The following PTPRE variants were observed in gnomAD, a reference collection of about 807,000 sequenced individuals.
The protein encoded by PTPRE is receptor-type tyrosine-protein phosphatase epsilon.
PTPRE carries 51 observed loss-of-function variants against 102.0 expected under a neutral mutation model. That is an observed-to-expected ratio of 0.50 (90% CI 0.40 to 0.63). The LOEUF (loss-of-function observed/expected upper bound fraction) is 0.63. Ranked by LOEUF, PTPRE falls within the 30% of genes least tolerant of loss-of-function variation. The pLI is 0.00. For missense variants in PTPRE, 752 were observed against 915.1 expected (o/e 0.82, Z 2.30); for synonymous variants, 345 against 348.2 (o/e 0.99, Z 0.10).
chr10:127,922,557 G>A (rs1846683085), intron 1 of PTPRE, among the ~76,000 whole-genome samples: 1 of 152,202 alleles, frequency 6.6e-6, no homozygotes. Context: ...TTCATTAGGG[G>A]CCTGTCATCC....
chr10:128,065,242 C>T (rs1849977898), intron 10 of PTPRE, among the ~76,000 whole-genome samples: 1 of 152,228 alleles, frequency 6.6e-6, no homozygotes, highest in Non-Finnish European at 1.5e-5. Context: ...GGAGGCTTGA[C>T]CACGAGCTGT....
chr10:127,910,491 G>T (rs549658199), intron 1 of PTPRE, among the ~76,000 whole-genome samples: 1 of 152,218 alleles, frequency 6.6e-6, no homozygotes, highest in Non-Finnish European at 1.5e-5. Context: ...ACTTGCTCAA[G>T]TAGTTTATCT....
At chr10:128,027,883 G>A (rs1282913557) in intron 2 of PTPRE, among the ~76,000 whole-genome samples, 4 of 152,198 alleles carry the variant, frequency 2.6e-5, no homozygotes, top group Non-Finnish European at 5.9e-5. Context: ...AAAGAGGGCA[G>A]GTGACAGTCC....
At chr10:128,015,306 G>A (rs900756856) in intron 2 of PTPRE, among the ~76,000 whole-genome samples, 3 of 152,200 alleles carry the variant, frequency 2.0e-5, no homozygotes, top group Non-Finnish European at 2.9e-5. Context: ...CACTTTGGGA[G>A]GTCAAGGCAG....
intron 2 of PTPRE, among the ~76,000 whole-genome samples, chr10:127,991,307 C>T (rs746861575): frequency 9.2e-5 from 14 of 152,220 alleles, no homozygotes; most frequent in African/African-American, 2.9e-4. Context: ...CCGTTGTGGG[C>T]GGACTGACTT....
intron 1 of PTPRE, among the ~76,000 whole-genome samples, chr10:127,925,457 C>T (rs1460981252): frequency 6.6e-6 from 1 of 152,154 alleles, no homozygotes; most frequent in African/African-American, 2.4e-5. Flanking sequence ...CCGGATCTGA[C>T]TGGTTAACTT....
chr10:127,953,345 G>A (rs1007380596), intron 1 of PTPRE, among the ~76,000 whole-genome samples: 77 of 152,300 alleles, frequency 5.1e-4, no homozygotes, highest in African/African-American at 1.4e-3. Context: ...AGAAAGGCCC[G>A]GCCACTACCT....
intron 1 of PTPRE, among the ~76,000 whole-genome samples, chr10:127,979,636 C>A (rs955396909): frequency 1.2e-4 from 18 of 152,154 alleles, no homozygotes; most frequent in Admixed American, 3.3e-4. Context: ...ATGATTGCAC[C>A]GCTGCACAAT....
At chr10:128,082,811 T>C (rs748781733) in intron 20 of PTPRE, 21 bp from the exon 21 acceptor site, 3 of 1,543,234 alleles carry the variant, frequency 1.9e-6, no homozygotes, top group Non-Finnish European at 2.6e-6. Context: ...CATTTTAATG[T>C]GTCCTTGTTT....
chr10:127,989,235 C>A (rs1465978856), intron 2 of PTPRE, among the ~76,000 whole-genome samples: 2 of 152,010 alleles, frequency 1.3e-5, no homozygotes, highest in African/African-American at 2.4e-5. Flanking sequence ...ATCATGTTAG[C>A]ATGTTGCTGC....
chr10:128,053,621 A>T (rs1848718664), intron 6 of PTPRE, among the ~76,000 whole-genome samples: 1 of 152,230 alleles, frequency 6.6e-6, no homozygotes, highest in African/African-American at 2.4e-5. Context: ...CCCTCTGTGC[A>T]TCTGGGTGGC....
Position 127,950,566 on chromosome 10 carries a change from C to T in PTPRE, c.-30-31708C>T, listed in dbSNP as rs183345575. ...GAGTGCCAGCATCCCTGAAGAGCTC[C>T]GCGATTGCTCTTCTCTGTAGGCTGG... On this transcript the variant is annotated intron_variant, in intron 1 of 20. Transcript: ENST00000254667. Among the ~76,000 whole-genome samples the T allele has an allele frequency of 3.0e-4, 45 of 152,234 alleles. 1 individual carries two copies. The highest frequency in any genetic ancestry group is 1.2e-3 in the South Asian group (6 of 4,822).
At chr10:128,026,966 A>G (rs1313153240) in intron 2 of PTPRE, among the ~76,000 whole-genome samples, 1 of 152,196 alleles carries the variant, frequency 6.6e-6, no homozygotes, top group Non-Finnish European at 1.5e-5. Context: ...GTTTTTCTCC[A>G]TGTGTAACAA....
rs570878943 is a variant in PTPRE at position 127,971,375 on chromosome 10, G to A, written c.-30-10899G>A. Among the ~76,000 whole-genome samples the A allele has an allele frequency of 9.8e-5, 15 of 152,300 alleles. No homozygotes were observed. The East Asian group carries it at 2.3e-3, about 24-fold the overall frequency. On this transcript the variant is annotated intron_variant, in intron 1 of 20. Coordinates refer to ENST00000254667, the MANE Select transcript of PTPRE (RefSeq NM_006504.6). ...GTGGGGATTGGCACCCCCCTGGAGG[G>A]CGTCTCCATGTTCTCGATGCCTCTG...
At chr10:128,018,419 G>T (rs1227077251) in intron 2 of PTPRE, among the ~76,000 whole-genome samples, 1 of 152,176 alleles carries the variant, frequency 6.6e-6, no homozygotes, top group East Asian at 1.9e-4. Flanking sequence ...TCGCAGATCT[G>T]TGTCATCCTG....
Position 128,028,385 on chromosome 10 carries a change from C to T in PTPRE, c.-7-12490C>T, listed in dbSNP as rs959871237. Reference sequence around the variant, plus strand: ...AGGACCTGAAGGATATCATTGAGCCCGCGCCCGCCCCAGGCTGGAATTGCT... The same window carrying T: ...AGGACCTGAAGGATATCATTGAGCCTGCGCCCGCCCCAGGCTGGAATTGCT... On this transcript the variant is annotated intron_variant, in intron 2 of 20. Transcript: ENST00000254667. The surrounding 1 kb of genome is among the most constrained non-coding windows in gnomAD (Gnocchi z 4.5). Among the ~76,000 whole-genome samples, 10 of 152,144 alleles carry T rather than the reference C, an allele frequency of 6.6e-5. No individual in the cohort carries two copies. The highest frequency in any genetic ancestry group is 9.7e-5 in the African/African-American group (4 of 41,436).
At chr10:127,994,880 C>T (rs1315732707) in intron 2 of PTPRE, among the ~76,000 whole-genome samples, 1 of 152,186 alleles carries the variant, frequency 6.6e-6, no homozygotes, top group Non-Finnish European at 1.5e-5. Context: ...TAGCAGTTCT[C>T]TCCCCAGCCC....
intron 2 of PTPRE, among the ~76,000 whole-genome samples, chr10:128,016,697 A>C (rs1845462853): frequency 6.6e-6 from 1 of 152,026 alleles, no homozygotes; most frequent in Non-Finnish European, 1.5e-5. Flanking sequence ...ACAGCCAGAA[A>C]GGTCTCATCC....
chr10:127,975,207 G>A (rs912302700), intron 1 of PTPRE, among the ~76,000 whole-genome samples: 9 of 152,186 alleles, frequency 5.9e-5, no homozygotes, highest in Non-Finnish European at 1.3e-4. Context: ...ACACGGTTGT[G>A]TGAGTGAGCG....
Sources: gnomAD v4.1 joint callset for allele counts (sites outside exome capture counted in the v4.1 genomes callset) on GRCh38, gnomAD v4.1.1 for gene constraint, Gnocchi (gnomAD v3.1) non-coding constraint, MANE v1.5 for transcripts, NCBI Gene and HGNC (gene_info 2026-07-23, HGNC 2026-07-21) for gene names.